Variants in FAM83B observed in about 807,000 individuals in gnomAD.
The protein encoded by FAM83B is protein FAM83B.
In FAM83B, 26 loss-of-function variants were observed where a neutral mutation model predicts 38.8. That is an observed-to-expected ratio of 0.67 (90% CI 0.49 to 0.93). FAM83B has a LOEUF of 0.93. Ranked by LOEUF, FAM83B falls within the 40% of genes least tolerant of loss-of-function variation. The pLI is 0.00. For missense variants in FAM83B, 1,237 were observed against 1,197.3 expected (o/e 1.03, Z -0.49); for synonymous variants, 419 against 423.1 (o/e 0.99, Z 0.12).
intron 2 of FAM83B, among the ~76,000 whole-genome samples, chr6:54,906,130 C>A (rs775951403): frequency 1.8e-4 from 28 of 151,444 alleles, no homozygotes; most frequent in Non-Finnish European, 2.8e-4. Flanking sequence ...TCAGCTGGTT[C>A]TATCTCTATG....
chr6:54,918,611 C>A (rs1406903963), intron 2 of FAM83B, among the ~76,000 whole-genome samples: 1 of 152,036 alleles, frequency 6.6e-6, no homozygotes, highest in African/African-American at 2.4e-5. Flanking sequence ...CATTCACTAT[C>A]ACAAGAACAG....
At chr6:54,847,580 C>T (rs992502670) in intron 1 of FAM83B, among the ~76,000 whole-genome samples, 6 of 151,868 alleles carry the variant, frequency 4.0e-5, no homozygotes, top group Admixed American at 6.6e-5. Flanking sequence ...GCAGATTGCT[C>T]CTGGAACGGG....
chr6:54,889,170 A>G (rs981227285), intron 2 of FAM83B, among the ~76,000 whole-genome samples: 2 of 152,080 alleles, frequency 1.3e-5, no homozygotes, highest in Admixed American at 6.6e-5. Context: ...TGAATGCTTC[A>G]ATAACAGTTG....
chr6:54,880,588 G>C (rs2127577707), intron 2 of FAM83B, among the ~76,000 whole-genome samples: 1 of 151,910 alleles, frequency 6.6e-6, no homozygotes, highest in South Asian at 2.1e-4. Flanking sequence ...GGGATTACAG[G>C]TGTGCGCCAC....
chr6:54,852,804 G>T (rs115587854), intron 1 of FAM83B, among the ~76,000 whole-genome samples: 30 of 152,320 alleles, frequency 2.0e-4, no homozygotes, highest in African/African-American at 6.5e-4. Context: ...CTGATAGGGA[G>T]AAAATCTTAT....
At chr6:54,893,746 G>T (rs1180681023) in intron 2 of FAM83B, among the ~76,000 whole-genome samples, 1 of 152,252 alleles carries the variant, frequency 6.6e-6, no homozygotes, top group East Asian at 1.9e-4. Context: ...GAGGGGAAAT[G>T]ATTCTTTTTT....
At chr6:54,898,106 G>A (rs13203892) in intron 2 of FAM83B, among the ~76,000 whole-genome samples, 2 of 151,976 alleles carry the variant, frequency 1.3e-5, no homozygotes, top group Non-Finnish European at 2.9e-5. Context: ...CTCCCCTTTT[G>A]GGTGTTAGCT....
At chr6:54,849,689 AC>A (rs1771226199) in intron 1 of FAM83B, among the ~76,000 whole-genome samples, 1 of 147,380 alleles carries the variant, frequency 6.8e-6, no homozygotes, top group African/African-American at 2.5e-5. Context: ...TCCTCTGGGG[AC>A]ATCTAATTAC....
At chr6:54,918,572 T>A (rs111760728) in intron 2 of FAM83B, among the ~76,000 whole-genome samples, 8,637 of 151,976 alleles carry the variant, frequency 0.057, 813 homozygotes, top group African/African-American at 0.19. Flanking sequence ...GGAAAGCCTC[T>A]TATAAAACCA....
intron 2 of FAM83B, among the ~76,000 whole-genome samples, chr6:54,914,240 T>C (rs974559029): frequency 1.3e-5 from 2 of 152,188 alleles, no homozygotes; most frequent in African/African-American, 4.8e-5. Flanking sequence ...AAAACTAGAA[T>C]TTATTCATGA....
Position 54,861,461 on chromosome 6 carries a change from G to A in FAM83B, c.-60-8726G>A, listed in dbSNP as rs912715050. Among the ~76,000 whole-genome samples, 73 of 152,214 alleles carry A rather than the reference G, an allele frequency of 4.8e-4. 1 individual carries two copies. Among genetic ancestry groups the A allele is most frequent in the Non-Finnish European group, 9.3e-4 (63 of 68,012 alleles). On this transcript the variant is annotated intron_variant, in intron 1 of 4. Coordinates refer to ENST00000306858, the MANE Select transcript of FAM83B (RefSeq NM_001010872.3). ...GGTCCCAGCTACTCAGGAAGTTGAG[G>A]TGGGAGGATCACTTGAGCCCAGGAG...
intron 3 of FAM83B, 27 bp from the exon 4 acceptor site, chr6:54,927,481 C>A (rs558753511): frequency 6.6e-7 from 1 of 1,513,538 alleles, no homozygotes; most frequent in Admixed American, 1.8e-5. Flanking sequence ...GCCATAATGT[C>A]TGCTTTTTAT....
At chr6:54,877,712 T>A (rs546979455) in intron 2 of FAM83B, among the ~76,000 whole-genome samples, 11 of 152,232 alleles carry the variant, frequency 7.2e-5, no homozygotes, top group Admixed American at 1.3e-4. Flanking sequence ...ACCTTCATAG[T>A]AACCTTGTGA....
At chr6:54,848,440 A>G (rs567036889) in intron 1 of FAM83B, among the ~76,000 whole-genome samples, 2 of 152,282 alleles carry the variant, frequency 1.3e-5, no homozygotes, top group South Asian at 4.2e-4. Context: ...TACCAGTTGA[A>G]CAGTTGCTGA....
chr6:54,925,883 A>T (rs34181172), intron 2 of FAM83B, among the ~76,000 whole-genome samples: 6,218 of 152,216 alleles, frequency 0.041, 186 homozygotes, highest in Non-Finnish European at 0.064. Flanking sequence ...AAGTCATCTT[A>T]TACTCTTTCT....
In FAM83B at chr6:54,941,982, G is replaced by A. The variant is rs756470811; in HGVS notation, c.3011G>A (p.Gly1004Glu). 7 of 1,603,922 alleles carry A rather than the reference G, an allele frequency of 4.4e-6. No individual in the cohort carries two copies. In the Admixed American group the frequency reaches 1.2e-4, roughly 28 times the overall value. The change falls in exon 5 of 5, where the codon GGA becomes GAA. Residue 1004 changes from glycine (G) to glutamate (E), a missense_variant. Transcript: ENST00000306858. ...TTTCGAGGATTTATGCAAAAGTTTGGAAACTTTATACACAAAAATAAATAG... is the reference window on the plus strand; with the variant it reads ...TTTCGAGGATTTATGCAAAAGTTTGAAAACTTTATACACAAAAATAAATAG... ...NKFRGFMQKFGNFIHKNK is the reference protein window; with the variant it reads ...NKFRGFMQKFENFIHKNK
chr6:54,922,135 A>G (rs1773185961), intron 2 of FAM83B, among the ~76,000 whole-genome samples: 1 of 152,068 alleles, frequency 6.6e-6, no homozygotes, highest in African/African-American at 2.4e-5. Flanking sequence ...AGTGTGACAG[A>G]AACATCCATT....
intron 1 of FAM83B, among the ~76,000 whole-genome samples, chr6:54,851,041 G>A (rs1363942002): frequency 7.2e-6 from 1 of 139,740 alleles, no homozygotes; most frequent in Non-Finnish European, 1.6e-5. Context: ...AAAAAAAAGT[G>A]CTGTATTTTT....
chr6:54,879,600 G>C (rs760061047), intron 2 of FAM83B, among the ~76,000 whole-genome samples: 8 of 152,076 alleles, frequency 5.3e-5, no homozygotes, highest in Non-Finnish European at 1.2e-4. Flanking sequence ...GCGGGGGAGC[G>C]TGAGAGAAGT....
Sources: gnomAD v4.1 joint callset for allele counts (sites outside exome capture counted in the v4.1 genomes callset) on GRCh38, gnomAD v4.1.1 for gene constraint, MANE v1.5 for transcripts, NCBI Gene and HGNC (gene_info 2026-07-23, HGNC 2026-07-21) for gene names.